The following FMNL1 variants were observed in gnomAD, a reference collection of about 807,000 sequenced individuals.
FMNL1 encodes formin-like protein 1.
In FMNL1, 43 loss-of-function variants were observed where a neutral mutation model predicts 121.3. The observed-to-expected ratio is 0.35, with a 90% CI of 0.28 to 0.46. The LOEUF (loss-of-function observed/expected upper bound fraction) is 0.46, where lower values mean the gene tolerates loss of function less well. Among genes scored for constraint, FMNL1 ranks in the 20% least tolerant of loss-of-function variants. The pLI is 1.00. For missense variants in FMNL1, 1,191 were observed against 1,482.4 expected, an observed-to-expected ratio of 0.80 and a Z score of 3.23; for synonymous variants, 613 against 613.5, an observed-to-expected ratio of 1.00 and a Z score of 0.01.
chr17:45,234,279 G>C (rs774866768), intron 6 of FMNL1, 79 bp downstream of exon 6: 3 of 1,607,956 alleles, frequency 1.9e-6, no homozygotes, highest in Admixed American at 1.7e-5. Context: ...AGCCCACCCC[G>C]GGCCCTTGGG....
At chr17:45,229,703 G>C (rs2043399992) in intron 1 of FMNL1, among the ~76,000 whole-genome samples, 1 of 152,200 alleles carries the variant, frequency 6.6e-6, no homozygotes. Flanking sequence ...ATTGACACCT[G>C]GTTGATTCGG....
At position 45,222,105 on chromosome 17, in the gene FMNL1, C is replaced by A. The variant is rs1354614875; in HGVS notation, c.-20C>A. The A allele has an allele frequency of 8.7e-7, 1 of 1,148,542 alleles. No individual in the cohort carries two copies. The highest frequency in any genetic ancestry group is 4.3e-5 in the East Asian group (1 of 23,298). 71.1% of individuals were successfully genotyped at this position (1,148,542 alleles called of 1,614,324 possible). The stretch of plus-strand genomic sequence containing the variant: ...GATTTCCGAGGCTGGAGGCGCCTGG[C>A]CGGCTGGGTGGGGACCACCATGGGC... On this transcript the variant is annotated 5_prime_UTR_variant, in exon 1 of 27. Transcript: ENST00000331495.
Position 45,232,372 on chromosome 17 carries a change from G to C in FMNL1, c.219G>C (p.Arg73=), listed in dbSNP as rs1359872948. 1 of 1,613,800 alleles carries C rather than the reference G, an allele frequency of 6.2e-7. No homozygotes were observed. The highest frequency in any genetic ancestry group is 1.7e-5 in the Admixed American group (1 of 59,962). ...ACCCCATTCCATCTCCCCAGGAGCG[G>C]TTTCAAGTCAAGAATCCCCCCGCAG... is the stretch of plus-strand genomic sequence containing the variant. ...KKWELICDQE[R]FQVKNPPAAY... is the part of the protein sequence containing the mutation. Residue 73 remains arginine (R), a synonymous_variant, in exon 3 of 27, where the codon CGG becomes CGC. Coordinates refer to ENST00000331495, the MANE Select transcript of FMNL1 (RefSeq NM_005892.4).
In FMNL1 at chr17:45,244,214, G is replaced by A. The variant is rs748740711; in HGVS notation, c.2487G>A (p.Lys829=). 4 of 1,613,042 alleles carry A rather than the reference G, an allele frequency of 2.5e-6. No homozygotes were observed. Among genetic ancestry groups the A allele is most frequent in the Non-Finnish European group, 8.5e-7 (1 of 1,179,572 alleles). ...TCATTGCAGCCTCAATGTCCATCAAGTCCTCTGACAAACTCCGCCAGATCC... is the reference window on the plus strand; with the variant it reads ...TCATTGCAGCCTCAATGTCCATCAAATCCTCTGACAAACTCCGCCAGATCC... The part of the protein sequence containing the change: ...NAIIAASMSI[K]SSDKLRQILE... The change falls in exon 19 of 27, where the codon AAG becomes AAA. Residue 829 remains lysine (K), a synonymous_variant. Coordinates refer to ENST00000331495, the MANE Select transcript of FMNL1 (RefSeq NM_005892.4).
In FMNL1 at chr17:45,241,188, A is replaced by G; in HGVS notation, c.1290A>G (p.Glu430=). Residue 430 remains glutamate (E), a synonymous_variant, in exon 13 of 27, where the codon GAA becomes GAG. Transcript: ENST00000331495. The surrounding 1 kb of genome is among the most constrained non-coding windows in gnomAD (Gnocchi z 7.0). The stretch of plus-strand genomic sequence containing the variant: ...CCATGGCCAAGATTGCAGAACTGGA[A>G]AAACAGCTAAGCCAGGCGCGCAAGG... ...NESMAKIAEL[E]KQLSQARKEL... is the part of the protein sequence containing the mutation. 6.2e-7 allele frequency: 1 copy of G among 1,614,052 alleles called. No individual in the cohort carries two copies. The highest frequency in any genetic ancestry group is 8.5e-7 in the Non-Finnish European group (1 of 1,179,892).
chr17:45,240,661 T>C (rs765984416), intron 12 of FMNL1, 36 bp downstream of exon 12: 4 of 1,600,170 alleles, frequency 2.5e-6, no homozygotes, highest in Non-Finnish European at 1.7e-6. Context: ...CAGCACATCA[T>C]AGGCCCACAG....
chr17:45,232,331 G>C, intron 2 of FMNL1, 36 bp from the exon 3 acceptor site: 1 of 1,595,392 alleles, frequency 6.3e-7, no homozygotes, highest in Non-Finnish European at 8.6e-7. Context: ...GGGTAGCTCT[G>C]GCTGGTTTTC....
intron 11 of FMNL1, among the ~76,000 whole-genome samples, chr17:45,239,603 G>A (rs1379841073): frequency 6.6e-6 from 1 of 152,158 alleles, no homozygotes; most frequent in Non-Finnish European, 1.5e-5. Context: ...CTGGAGGAGC[G>A]GGGCTTTCGG....
intron 6 of FMNL1, 82 bp downstream of exon 6, chr17:45,234,282 C>G: frequency 6.2e-7 from 1 of 1,607,434 alleles, no homozygotes; most frequent in Non-Finnish European, 8.5e-7. Flanking sequence ...CCACCCCGGG[C>G]CCTTGGGGTT....
At chr17:45,244,076 G>A (rs546645815) in intron 18 of FMNL1, 51 bp downstream of exon 18, 1 of 1,600,086 alleles carries the variant, frequency 6.2e-7, no homozygotes, top group South Asian at 1.1e-5. Flanking sequence ...ATGGGCAGGA[G>A]GCAACTCCCA....
rs953937418 is a variant in FMNL1 at position 45,245,038 on chromosome 17, C to T, written c.2658C>T (p.Val886=). 14 of 1,614,066 alleles carry T rather than the reference C, an allele frequency of 8.7e-6. No individual in the cohort carries two copies. Among genetic ancestry groups the T allele is most frequent in the Non-Finnish European group, 9.3e-6 (11 of 1,180,044 alleles). The change falls in exon 21 of 27, where the codon GTC becomes GTT. Residue 886 remains valine (V), a synonymous_variant. Transcript: ENST00000331495. ...CGCTGCTGCACTACCTGGTGAAGGT[C>T]ATTGCTGAGAAGTACCCGCAACTCA... ...KQTLLHYLVK[V]IAEKYPQLTG...
At position 45,233,015 on chromosome 17, in the gene FMNL1, C is replaced by T. The variant is rs1421080945; in HGVS notation, c.328-209C>T. On this transcript the variant is annotated intron_variant, in intron 3 of 26. Coordinates refer to ENST00000331495, the MANE Select transcript of FMNL1 (RefSeq NM_005892.4). This position sits in a 1 kb window ranked among gnomAD's most constrained non-coding sequence, Gnocchi z 4.1. The stretch of plus-strand genomic sequence containing the variant: ...GCCCATGTATCGGGGGTGTGTGTAC[C>T]CTGCTTGTCTATGTATGGGGGAGCA... The T allele has an allele frequency of 9.0e-6, 6 of 667,208 alleles. No individual in the cohort carries two copies. The highest frequency in any genetic ancestry group is 5.5e-6 in the Non-Finnish European group (2 of 362,852). 41.3% of individuals were successfully genotyped at this position (667,208 alleles called of 1,614,324 possible).
chr17:45,246,697 G>A (rs1392419961), intron 26 of FMNL1, 93 bp downstream of exon 26: 3 of 1,259,238 alleles, frequency 2.4e-6, no homozygotes, highest in Non-Finnish European at 3.3e-6. Flanking sequence ...CTGGGCCAGT[G>A]GATGGCTGGG....
chr17:45,235,940 C>T (rs996955966), intron 6 of FMNL1, among the ~76,000 whole-genome samples, 196 bp from the exon 7 acceptor site: 9 of 152,228 alleles, frequency 5.9e-5, no homozygotes, highest in Admixed American at 5.2e-4. Context: ...GTCCCCCCTC[C>T]TCCAAGCATG....
At chr17:45,239,772 C>T (rs578043126) in intron 11 of FMNL1, among the ~76,000 whole-genome samples, 1 of 150,946 alleles carries the variant, frequency 6.6e-6, no homozygotes, top group Admixed American at 6.6e-5. Context: ...GTGAAAGAAG[C>T]CAGACACAAA....
chr17:45,228,089 C>G (rs62066720), intron 1 of FMNL1, among the ~76,000 whole-genome samples: 47,740 of 151,966 alleles, frequency 0.31, 8,623 homozygotes, highest in East Asian at 0.48. Context: ...AGGCCCTGGT[C>G]TGGGGGTCTG....
intron 10 of FMNL1, 51 bp from the exon 11 acceptor site, chr17:45,238,904 G>A (rs756103159): frequency 4.0e-6 from 6 of 1,505,384 alleles, no homozygotes; most frequent in Admixed American, 1.7e-5. Flanking sequence ...GGAAGGCATT[G>A]AGCAACCCCA....
chr17:45,228,377 C>A (rs2143242874), intron 1 of FMNL1, among the ~76,000 whole-genome samples: 1 of 152,332 alleles, frequency 6.6e-6, no homozygotes, highest in East Asian at 1.9e-4. Context: ...GTGCTCCAGG[C>A]CCCAGCAGAG....
In FMNL1 at chr17:45,238,737, G is replaced by A. The variant is rs772731554; in HGVS notation, c.969+99G>A. 65 of 1,458,724 alleles carry A rather than the reference G, an allele frequency of 4.5e-5. 1 individual carries two copies. The highest frequency in any genetic ancestry group is 2.9e-4 in the South Asian group (24 of 83,842). 90.4% of individuals were successfully genotyped at this position (1,458,724 alleles called of 1,614,324 possible). A position where few individuals can be genotyped will look rare whatever the true frequency, so the allele number is the denominator to read the frequency against. ...GTGCTGGGCAATGGGCTCTGCCCCC[G>A]CAAAGCGTAAGGACTGAGTGGTCAG... On this transcript the variant is annotated intron_variant, in intron 10 of 26. Coordinates refer to ENST00000331495, the MANE Select transcript of FMNL1 (RefSeq NM_005892.4).
Sources: gnomAD v4.1 joint callset for allele counts (sites outside exome capture counted in the v4.1 genomes callset) on GRCh38, gnomAD v4.1.1 for gene constraint, Gnocchi (gnomAD v3.1) non-coding constraint, MANE v1.5 for transcripts, NCBI Gene and HGNC (gene_info 2026-07-23, HGNC 2026-07-21) for gene names.